Variants in TMEM156 observed in about 807,000 individuals in gnomAD.
TMEM156 encodes transmembrane protein 156.
TMEM156 carries 28 observed loss-of-function variants against 30.5 expected under a neutral mutation model. That is an observed-to-expected ratio of 0.92 (90% CI 0.68 to 1.26). TMEM156 has a LOEUF of 1.26. Among genes scored for constraint, TMEM156 ranks in the 50% most tolerant of loss-of-function variants. TMEM156 has a pLI of 0.00. For missense variants in TMEM156, 351 were observed against 340.6 expected (o/e 1.03, Z -0.24); for synonymous variants, 137 against 119.9 (o/e 1.14, Z -0.93).
At chr4:39,007,447 T>C (rs1038935432) in intron 1 of TMEM156, among the ~76,000 whole-genome samples, 15 of 151,094 alleles carry the variant, frequency 9.9e-5, no homozygotes, top group Admixed American at 9.9e-4. Flanking sequence ...TTATCTATTT[T>C]TTATTTTTTT....
chr4:39,018,092 A>C (rs111437885), intron 1 of TMEM156, among the ~76,000 whole-genome samples: 79 of 151,984 alleles, frequency 5.2e-4, no homozygotes, highest in African/African-American at 1.7e-3. Context: ...AAATTGATTC[A>C]GTGATTTTTT....
chr4:39,015,910 C>T (rs1714449152), intron 1 of TMEM156, among the ~76,000 whole-genome samples: 1 of 152,160 alleles, frequency 6.6e-6, no homozygotes, highest in Admixed American at 6.5e-5. Context: ...GTACAAAGTC[C>T]TTCCGCCTTC....
At chr4:38,996,290 G>A (rs982613843) in intron 2 of TMEM156, among the ~76,000 whole-genome samples, 9 of 151,200 alleles carry the variant, frequency 6.0e-5, no homozygotes, top group African/African-American at 1.7e-4. Flanking sequence ...CAGGTGCAGT[G>A]GCTCACACCT....
chr4:39,004,620 G>T (rs1713600958), intron 1 of TMEM156, among the ~76,000 whole-genome samples: 1 of 151,910 alleles, frequency 6.6e-6, no homozygotes, highest in Non-Finnish European at 1.5e-5. Flanking sequence ...ACATGTTTTA[G>T]TCATGTTGAT....
chr4:38,988,932 C>T lies in TMEM156; in HGVS notation c.658G>A (p.Val220Ile). The T allele has an allele frequency of 6.2e-7, 1 of 1,612,502 alleles. No individual in the cohort carries two copies. Among genetic ancestry groups the T allele is most frequent in the Non-Finnish European group, 8.5e-7 (1 of 1,178,744 alleles). The change falls in exon 4 of 7, where the codon GTT (valine) becomes ATT (isoleucine). Residue 220 changes from valine to isoleucine, a missense_variant. Val to Ile is a conservative substitution (Grantham distance 29, BLOSUM62 3). Transcript: ENST00000381938. ...CSMKITWYIL[V>I]LLVFIFLIIL... is the part of the protein sequence containing the mutation. The stretch of plus-strand genomic sequence containing the variant: ...ATCAAAAATATAAAAACTAATAGAA[C>T]TAAAATATACCAAGTGATCTTCATG...
chr4:38,993,709 T>C (rs1424984655), intron 3 of TMEM156, 29 bp downstream of exon 3: 1 of 1,594,582 alleles, frequency 6.3e-7, no homozygotes, highest in Non-Finnish European at 8.6e-7. Context: ...GGATAACTCC[T>C]TTTCCCTTTA....
At position 39,029,574 on chromosome 4, in the gene TMEM156, C is replaced by T. The variant is rs1715399956; in HGVS notation, c.88+2652G>A. On this transcript the variant is annotated intron_variant, in intron 1 of 6. Coordinates refer to ENST00000381938, the MANE Select transcript of TMEM156 (RefSeq NM_024943.3). ...CTAAAAATACAAAAAATTAGCCGGG[C>T]GTGGTAGCGGGCGCCTGTAGTCCCA... is the stretch of plus-strand genomic sequence containing the variant. 8.8e-5 allele frequency among the ~76,000 whole-genome samples: 2 copies of T among 22,652 alleles called. 1 individual carries two copies. The highest frequency in any genetic ancestry group is 1.6e-4 in the Non-Finnish European group (2 of 12,616). 14.9% of individuals were successfully genotyped at this position (22,652 alleles called of 152,430 possible). A position where few individuals can be genotyped will look rare whatever the true frequency, so the allele number is the denominator to read the frequency against.
chr4:38,979,340 C>T (rs1405367900), intron 5 of TMEM156, among the ~76,000 whole-genome samples: 1 of 152,136 alleles, frequency 6.6e-6, no homozygotes, highest in Non-Finnish European at 1.5e-5. Flanking sequence ...CAGTGGGGAC[C>T]GACACCTGCA....
At chr4:39,002,888 G>A (rs867542496) in intron 1 of TMEM156, among the ~76,000 whole-genome samples, 8 of 151,958 alleles carry the variant, frequency 5.3e-5, no homozygotes, top group African/African-American at 1.2e-4. Context: ...CTGTTGTGGG[G>A]GGGTGGACGG....
In TMEM156 at chr4:38,993,782, T is replaced by TC. The variant is rs1712716377; in HGVS notation, c.574_575insG (p.Asn192ArgfsTer2). The TC allele has an allele frequency of 1.2e-6, 2 of 1,613,638 alleles. No homozygotes were observed. The highest frequency in any genetic ancestry group is 1.7e-6 in the Non-Finnish European group (2 of 1,179,670). ...GTGCAAAGAAATGTGTATACAATCA[T>TC]TCGGGTATTCCATGATTCTACAAGT... On this transcript the variant is annotated frameshift_variant, in exon 3 of 7. Transcript: ENST00000381938. LOFTEE classifies it high-confidence loss of function.
Position 39,024,335 on chromosome 4 carries a change from G to A in TMEM156, c.88+7891C>T, listed in dbSNP as rs572443575. Reference sequence around the variant, plus strand: ...CAGGCATGAGCCACCATGCCCAGCCGAGCCAGAGGAATCTTTACTGGGGAG... The same window carrying A: ...CAGGCATGAGCCACCATGCCCAGCCAAGCCAGAGGAATCTTTACTGGGGAG... On this transcript the variant is annotated intron_variant, in intron 1 of 6. Transcript: ENST00000381938. Among the ~76,000 whole-genome samples, 187 of 152,050 alleles carry A rather than the reference G, an allele frequency of 1.2e-3. 3 individuals are homozygous for A. Among genetic ancestry groups the A allele is most frequent in the Non-Finnish European group, 6.5e-4 (44 of 67,994 alleles).
At chr4:38,995,433 C>T (rs1056924551) in intron 2 of TMEM156, among the ~76,000 whole-genome samples, 12 of 152,088 alleles carry the variant, frequency 7.9e-5, no homozygotes, top group Admixed American at 3.9e-4. Flanking sequence ...ATTCCTTTTC[C>T]TGGCTGGGCT....
intron 1 of TMEM156, among the ~76,000 whole-genome samples, chr4:39,014,362 G>A (rs1339675117): frequency 6.6e-6 from 1 of 152,216 alleles, no homozygotes; most frequent in Non-Finnish European, 1.5e-5. Context: ...AGGGCAGGTA[G>A]AAGACATTGA....
intron 5 of TMEM156, among the ~76,000 whole-genome samples, chr4:38,979,307 A>C (rs116803956): frequency 0.033 from 5,081 of 152,320 alleles, 269 homozygotes; most frequent in African/African-American, 0.11. Context: ...GCCTTGCCCC[A>C]CACGTTCCAT....
chr4:38,968,725 C>G (rs997484419), intron 6 of TMEM156, among the ~76,000 whole-genome samples: 3 of 152,164 alleles, frequency 2.0e-5, no homozygotes, highest in African/African-American at 7.2e-5. Flanking sequence ...GCACTGAGAC[C>G]CAAAGTACTA....
chr4:39,022,766 G>T (rs908181766), intron 1 of TMEM156, among the ~76,000 whole-genome samples: 8 of 152,108 alleles, frequency 5.3e-5, no homozygotes, highest in African/African-American at 1.9e-4. Flanking sequence ...GGCTACTCTA[G>T]GTCAACTCAC....
At chr4:38,977,679 T>G (rs191326151) in intron 5 of TMEM156, among the ~76,000 whole-genome samples, 1 of 152,366 alleles carries the variant, frequency 6.6e-6, no homozygotes, top group Admixed American at 6.5e-5. Context: ...AGCAGTCTTT[T>G]CATGAATTTA....
At chr4:39,020,847 C>T (rs1282547571) in intron 1 of TMEM156, among the ~76,000 whole-genome samples, 1 of 152,108 alleles carries the variant, frequency 6.6e-6, no homozygotes, top group Admixed American at 6.6e-5. Flanking sequence ...CGCACCCAGC[C>T]TAATTTTGAA....
chr4:38,998,985 G>C lies in TMEM156; in HGVS notation c.89-76C>G, dbSNP rs1207148676. 4.5e-6 allele frequency: 6 copies of C among 1,345,234 alleles called. No individual in the cohort carries two copies. In the African/African-American group the frequency reaches 7.4e-5, roughly 17 times the overall value. 83.3% of individuals were successfully genotyped at this position (1,345,234 alleles called of 1,614,324 possible). On this transcript the variant is annotated intron_variant, in intron 1 of 6. Transcript: ENST00000381938. ...TGGCATTCAAATAAATACACAGTAT[G>C]CTCCCAGTTTTTCTTAGGTGGATTC...
Sources: gnomAD v4.1 joint callset for allele counts (sites outside exome capture counted in the v4.1 genomes callset) on GRCh38, gnomAD v4.1.1 for gene constraint, MANE v1.5 for transcripts, NCBI Gene and HGNC (gene_info 2026-07-23, HGNC 2026-07-21) for gene names.